LRRFIP1: variants seen among roughly 807,000 people sequenced by gnomAD.
LRRFIP1 encodes leucine-rich repeat flightless-interacting protein 1.
In LRRFIP1, 62 loss-of-function variants were observed where a neutral mutation model predicts 104.4. That is an observed-to-expected ratio of 0.59 (90% CI 0.48 to 0.73). The LOEUF is 0.73. Ranked by LOEUF, LRRFIP1 falls within the 30% of genes least tolerant of loss-of-function variation. The probability of loss-of-function intolerance (pLI) is 0.00; values close to 1 mark genes in which losing one functional copy is unlikely to be tolerated. For missense variants in LRRFIP1, 796 were observed against 824.5 expected (o/e 0.97, Z 0.42); for synonymous variants, 300 against 299.0 (o/e 1.00, Z -0.03).
chr2:237,748,468 C>T, intron 12 of LRRFIP1, 69 bp downstream of exon 12: 7 of 1,417,378 alleles, frequency 4.9e-6, no homozygotes, highest in Non-Finnish European at 6.8e-6. Context: ...AAATATGTTG[C>T]TTGGTTTTTT....
In LRRFIP1 at chr2:237,718,951, A is replaced by T. The variant is rs551951340; in HGVS notation, c.250-572A>T. ...AGAGAAAAAAAGAAAAGAAATATTT[A>T]AAAAATCTTTACACATTCTTTGAAG... On this transcript the variant is annotated intron_variant, in intron 4 of 23. Transcript: ENST00000308482. Among the ~76,000 whole-genome samples the T allele has an allele frequency of 5.2e-5, 8 of 152,388 alleles. No individual in the cohort carries two copies. In the East Asian group the frequency reaches 9.6e-4, roughly 18 times the overall value.
chr2:237,746,310 C>T (rs1349872380), intron 11 of LRRFIP1, among the ~76,000 whole-genome samples: 7 of 152,120 alleles, frequency 4.6e-5, no homozygotes, highest in African/African-American at 1.7e-4. Flanking sequence ...CTGCCCACCT[C>T]GGCCTCCCAA....
At chr2:237,776,412 T>C (rs1442416914) in intron 23 of LRRFIP1, among the ~76,000 whole-genome samples, 1 of 152,120 alleles carries the variant, frequency 6.6e-6, no homozygotes, top group African/African-American at 2.4e-5. Context: ...GTGTAGTCTC[T>C]GATTTATGGA....
intron 1 of LRRFIP1, among the ~76,000 whole-genome samples, chr2:237,639,507 C>G (rs1408025706): frequency 3.3e-5 from 5 of 152,210 alleles, no homozygotes; most frequent in Admixed American, 2.6e-4. Flanking sequence ...ATCAAGCAAC[C>G]TAGCCTTGGT....
chr2:237,762,911 A>G (rs769163502), intron 19 of LRRFIP1: 16 of 1,614,120 alleles, frequency 9.9e-6, no homozygotes, highest in Non-Finnish European at 1.0e-5. Context: ...ACCAGATGAC[A>G]GGACCAGAAC....
intron 1 of LRRFIP1, among the ~76,000 whole-genome samples, chr2:237,677,447 C>A (rs2091287710): frequency 6.6e-6 from 1 of 152,198 alleles, no homozygotes; most frequent in South Asian, 2.1e-4. Context: ...TCAGTGGACA[C>A]TTGGGTTGCT....
intron 19 of LRRFIP1, chr2:237,763,183 C>T (rs770132301): frequency 1.2e-6 from 2 of 1,614,046 alleles, no homozygotes; most frequent in South Asian, 1.1e-5. Context: ...TTCCAGCGCA[C>T]AGTACAGAAG....
intron 11 of LRRFIP1, among the ~76,000 whole-genome samples, chr2:237,739,670 C>T (rs1441996717): frequency 2.0e-5 from 3 of 152,128 alleles, no homozygotes; most frequent in South Asian, 2.1e-4. Flanking sequence ...GATCCCGGGA[C>T]GCTCCCAGTT....
intron 7 of LRRFIP1, among the ~76,000 whole-genome samples, chr2:237,726,694 G>A (rs547714804): frequency 1.3e-5 from 2 of 152,306 alleles, no homozygotes; most frequent in African/African-American, 2.4e-5. Flanking sequence ...ACCTGATGGC[G>A]TCTCCTTCCA....
chr2:237,647,852 A>G (rs1296942798), intron 1 of LRRFIP1, among the ~76,000 whole-genome samples: 1 of 152,054 alleles, frequency 6.6e-6, no homozygotes, highest in Non-Finnish European at 1.5e-5. Context: ...CACTGCACGC[A>G]GGGTTTTGCT....
rs753650387 is a variant in LRRFIP1 at position 237,756,115 on chromosome 2, C to T, written c.1059C>T (p.His353=). 7 of 1,613,474 alleles carry T rather than the reference C, an allele frequency of 4.3e-6. No homozygotes were observed. Among genetic ancestry groups the T allele is most frequent in the South Asian group, 2.2e-5 (2 of 90,992 alleles). ...EKNKEFEREK[H]AHSILQFQFA... Reference sequence around the variant, plus strand: ...TACAGGAATTTGAAAGGGAAAAACACGCCCACAGTATACTGCAATTTCAGT... The same window carrying T: ...TACAGGAATTTGAAAGGGAAAAACATGCCCACAGTATACTGCAATTTCAGT... The change falls in exon 16 of 24, where the codon CAC becomes CAT. Residue 353 remains histidine (H), a synonymous_variant. Transcript: ENST00000308482.
At chr2:237,668,948 CT>C (rs769425450) in intron 1 of LRRFIP1, among the ~76,000 whole-genome samples, 13 of 151,970 alleles carry the variant, frequency 8.6e-5, no homozygotes, top group African/African-American at 9.7e-5. Flanking sequence ...TTATCTGTGA[CT>C]TTTTTTTAAC....
rs1473297329 is a variant in LRRFIP1, at chr2:237,711,638, C to G, written c.184-2621C>G. On this transcript the variant is annotated intron_variant, in intron 2 of 23. Coordinates refer to ENST00000308482, the MANE Select transcript of LRRFIP1 (RefSeq NM_001137550.2). This position sits in a 1 kb window ranked among gnomAD's most constrained non-coding sequence, Gnocchi z 4.4. ...CGTGGGCGCGGCTGTGGACTCCTGC[C>G]TGGGGTTGGTCACGGACCAGGAGCC... is the stretch of plus-strand genomic sequence containing the variant. Among the ~76,000 whole-genome samples, 1 of 152,228 alleles carries G rather than the reference C, an allele frequency of 6.6e-6. No individual in the cohort carries two copies. The highest frequency in any genetic ancestry group is 1.5e-5 in the Non-Finnish European group (1 of 68,042).
intron 1 of LRRFIP1, among the ~76,000 whole-genome samples, chr2:237,680,420 A>G (rs1301257720): frequency 6.6e-6 from 1 of 152,212 alleles, no homozygotes; most frequent in Non-Finnish European, 1.5e-5. Flanking sequence ...TCTCTAAACA[A>G]TACAGTCTAA....
At chr2:237,763,455 C>T in intron 19 of LRRFIP1, 1 of 1,613,348 alleles carries the variant, frequency 6.2e-7, no homozygotes, top group Non-Finnish European at 8.5e-7. Flanking sequence ...AAGAAAAAAT[C>T]CCCAGTACCC....
intron 2 of LRRFIP1, among the ~76,000 whole-genome samples, chr2:237,710,207 C>G (rs955205549): frequency 1.3e-5 from 2 of 152,250 alleles, no homozygotes; most frequent in East Asian, 3.9e-4. Context: ...CTTTTTCACA[C>G]TGCCCAGTAT....
chr2:237,685,959 A>G (rs922612480), intron 1 of LRRFIP1, among the ~76,000 whole-genome samples: 1 of 152,212 alleles, frequency 6.6e-6, no homozygotes, highest in Non-Finnish European at 1.5e-5. Context: ...TGCAAATTAA[A>G]GTCTTTCCTG....
intron 1 of LRRFIP1, among the ~76,000 whole-genome samples, chr2:237,672,385 T>G (rs1275435714): frequency 6.6e-6 from 1 of 152,214 alleles, no homozygotes; most frequent in Non-Finnish European, 1.5e-5. Flanking sequence ...CAGCTTCTTG[T>G]TTTCTTAGTG....
Position 237,735,155 on chromosome 2 carries a change from TCAGGTCATGC to T in LRRFIP1, c.490-112_490-103del. The T allele has an allele frequency of 1.3e-6, 1 of 779,928 alleles. No homozygotes were observed. Among genetic ancestry groups the T allele is most frequent in the Non-Finnish European group, 2.1e-6 (1 of 483,238 alleles). The allele number at this position is 779,928 out of a possible 1,614,324, so 48.3% of individuals were successfully genotyped here. The stretch of plus-strand genomic sequence containing the variant: ...TTCTCAGCCTCCCCTGCATGCTTTT[TCAGGTCATGC>T]TCCTGGCACGTGTCAGTTTTTCACA... On this transcript the variant is annotated intron_variant, in intron 9 of 23. Coordinates refer to ENST00000308482, the MANE Select transcript of LRRFIP1 (RefSeq NM_001137550.2). This position sits in a 1 kb window ranked among gnomAD's most constrained non-coding sequence, Gnocchi z 4.6.
Sources: allele counts gnomAD v4.1 joint callset (sites outside exome capture counted in the v4.1 genomes callset), GRCh38; gene constraint gnomAD v4.1.1; non-coding constraint Gnocchi (gnomAD v3.1); transcripts MANE v1.5; gene names NCBI Gene and HGNC (gene_info 2026-07-23, HGNC 2026-07-21).